The following KATNAL2 variants were observed in gnomAD, a reference collection of about 807,000 sequenced individuals.
KATNAL2 encodes the protein katanin p60 ATPase-containing subunit A-like 2.
In KATNAL2, 52 loss-of-function variants were observed where a neutral mutation model predicts 76.3. That is an observed-to-expected ratio of 0.68 (90% CI 0.55 to 0.86). The LOEUF is 0.86. Ranked by LOEUF, KATNAL2 falls within the 40% of genes least tolerant of loss-of-function variation. The pLI is 0.00. For synonymous variants in KATNAL2, 243 were observed against 244.2 expected (o/e 1.00, Z 0.05); for missense variants, 660 against 668.9 (o/e 0.99, Z 0.15).
At chr18:46,946,778 G>A (rs117601679) in intron 2 of KATNAL2, 76 bp from the exon 3 acceptor site, 1 of 1,340,312 alleles carries the variant, frequency 7.5e-7, no homozygotes, top group South Asian at 1.3e-5. Flanking sequence ...TCCGGAAAGG[G>A]GCGGGCTGGT....
At chr18:46,969,201 CTG>C (rs1713751046) in intron 3 of KATNAL2, 1 of 1,176,958 alleles carries the variant, frequency 8.5e-7, no homozygotes, top group Non-Finnish European at 1.2e-6. Context: ...TTGTCTTTCT[CTG>C]TGCGGTACGG....
chr18:47,034,102 G>A, intron 3 of KATNAL2: 1 of 1,614,220 alleles, frequency 6.2e-7, no homozygotes, highest in Non-Finnish European at 8.5e-7. Context: ...CTGATCGTAG[G>A]TGAGGTATTT....
intron 3 of KATNAL2, among the ~76,000 whole-genome samples, chr18:46,949,775 A>G (rs1014793601): frequency 6.6e-6 from 1 of 152,098 alleles, no homozygotes; most frequent in Non-Finnish European, 1.5e-5. Context: ...TTAATAATCC[A>G]TATATTCACA....
intron 1 of KATNAL2, among the ~76,000 whole-genome samples, chr18:46,933,917 G>A (rs1156517518): frequency 5.4e-5 from 8 of 148,960 alleles, no homozygotes; most frequent in Non-Finnish European, 8.9e-5. Context: ...TTGTCCTTGC[G>A]ATAGTTTGCT....
chr18:47,102,010 T>C lies in KATNAL2; in HGVS notation c.*1005T>C, dbSNP rs1212602129. 6.6e-6 allele frequency: 1 copy of C among 152,198 alleles called. No individual in the cohort carries two copies. Among genetic ancestry groups the C allele is most frequent in the Non-Finnish European group, 1.5e-5 (1 of 68,046 alleles). The allele number at this position is 152,198 out of a possible 1,614,324, so 9.4% of individuals were successfully genotyped here. ...CTTCTTTTCTCTTCCTTGCCTTGTC[T>C]TCATCATCCCTGCAGACAGACTCTT... is the stretch of plus-strand genomic sequence containing the variant. On this transcript the variant is annotated 3_prime_UTR_variant, in exon 18 of 18. Coordinates refer to ENST00000683218, the MANE Select transcript of KATNAL2 (RefSeq NM_001387690.1).
chr18:47,039,616 A>G (rs1034841388), intron 3 of KATNAL2, among the ~76,000 whole-genome samples: 1 of 152,226 alleles, frequency 6.6e-6, no homozygotes, highest in African/African-American at 2.4e-5. Context: ...TCTTTAAGAA[A>G]TTCAGCCAAA....
chr18:47,034,478 G>C (rs763778283), intron 3 of KATNAL2: 1 of 1,614,144 alleles, frequency 6.2e-7, no homozygotes, highest in Non-Finnish European at 8.5e-7. Context: ...GGCATCCTTG[G>C]GGTTTCCTCT....
chr18:47,081,018 C>T (rs1268276894), intron 15 of KATNAL2, among the ~76,000 whole-genome samples: 1 of 150,460 alleles, frequency 6.6e-6, no homozygotes, highest in Non-Finnish European at 1.5e-5. Context: ...CTCCTTCCCT[C>T]CTCCCTTTCC....
chr18:46,945,186 C>A (rs1569000220), intron 1 of KATNAL2, among the ~76,000 whole-genome samples: 1 of 152,198 alleles, frequency 6.6e-6, no homozygotes, highest in Non-Finnish European at 1.5e-5. Context: ...AAATCATTGA[C>A]AGGTGTTCAT....
chr18:46,942,022 T>C (rs115031604), intron 1 of KATNAL2, among the ~76,000 whole-genome samples: 1,934 of 152,108 alleles, frequency 0.013, 40 homozygotes, highest in African/African-American at 0.045. Context: ...AAAGGGTGAG[T>C]GCTTTGGCGG....
rs779712075 is a variant in KATNAL2, at chr18:47,059,655, G to A, written c.549+1G>A. 6.3e-7 allele frequency: 1 copy of A among 1,597,106 alleles called. No homozygotes were observed. The highest frequency in any genetic ancestry group is 2.2e-5 in the East Asian group (1 of 44,754). On this transcript the variant is annotated splice_donor_variant, in intron 8 of 17. Transcript: ENST00000683218. LOFTEE classifies it high-confidence loss of function. Reference sequence around the variant, plus strand: ...AGAGGAAAATGCCCACCCACGAAGAGTAAGTGAAACTCATGAACCTAACAC... The same window carrying A: ...AGAGGAAAATGCCCACCCACGAAGAATAAGTGAAACTCATGAACCTAACAC...
chr18:47,096,006 T>C lies in KATNAL2; in HGVS notation c.1212-3237T>C, dbSNP rs183331114. Among the ~76,000 whole-genome samples the C allele has an allele frequency of 2.1e-3, 324 of 152,278 alleles. 1 individual carries two copies. The highest frequency in any genetic ancestry group is 7.6e-3 in the African/African-American group (315 of 41,542). On this transcript the variant is annotated intron_variant, in intron 15 of 17. Coordinates refer to ENST00000683218, the MANE Select transcript of KATNAL2 (RefSeq NM_001387690.1). ...CTGAGTCTCTGATGTGCGATGAATGTCAACAGGGTGAGACTGATAAAAGAA... is the reference window on the plus strand; with the variant it reads ...CTGAGTCTCTGATGTGCGATGAATGCCAACAGGGTGAGACTGATAAAAGAA...
intron 3 of KATNAL2, among the ~76,000 whole-genome samples, chr18:47,040,321 GTT>G (rs1030161010): frequency 1.3e-5 from 2 of 152,206 alleles, no homozygotes; most frequent in African/African-American, 4.8e-5. Flanking sequence ...TGGCCCACAG[GTT>G]TTGGTAAATT....
chr18:46,960,466 A>C (rs1260381632), intron 3 of KATNAL2, among the ~76,000 whole-genome samples: 1 of 151,966 alleles, frequency 6.6e-6, no homozygotes, highest in African/African-American at 2.4e-5. Flanking sequence ...GCTAAGATGA[A>C]GCGATAGAGA....
intron 1 of KATNAL2, among the ~76,000 whole-genome samples, chr18:46,924,975 A>T (rs1216697153): frequency 6.6e-6 from 1 of 152,068 alleles, no homozygotes; most frequent in Non-Finnish European, 1.5e-5. Flanking sequence ...GCTTGAGGAG[A>T]TTTTGGGCTG....
At position 47,067,013 on chromosome 18, in the gene KATNAL2, C is replaced by A. The variant is rs372427321; in HGVS notation, c.727-8C>A. ...AGTTTTAAAAAAATGATCAAATGTG[C>A]ATTGCAGGACATTTATCTCCATAAT... On this transcript the variant is annotated splice_region_variant and splice_polypyrimidine_tract_variant and intron_variant, in intron 10 of 17. Coordinates refer to ENST00000683218, the MANE Select transcript of KATNAL2 (RefSeq NM_001387690.1). 17 of 1,529,082 alleles carry A rather than the reference C, an allele frequency of 1.1e-5. No homozygotes were observed. Among genetic ancestry groups the A allele is most frequent in the African/African-American group, 2.7e-5 (2 of 73,174 alleles). 94.7% of individuals were successfully genotyped at this position (1,529,082 alleles called of 1,614,324 possible).
At chr18:46,955,170 CTTTCTTTCTTTCTTTCCT>C (rs2059701731) in intron 3 of KATNAL2, among the ~76,000 whole-genome samples, 2 of 133,774 alleles carry the variant, frequency 1.5e-5, no homozygotes, top group Admixed American at 8.1e-5. Context: ...TTCTTTCTTT[CTTTCTTTCTTTCTTTCCT>C]CTCTCTTTTT....
chr18:47,034,199 A>G, intron 3 of KATNAL2: 1 of 1,613,882 alleles, frequency 6.2e-7, no homozygotes. Flanking sequence ...GTTCTGTCCA[A>G]ATGAGCAGTC....
rs555334516 is a variant in KATNAL2, at chr18:47,061,191, A to C, written c.549+1537A>C. On this transcript the variant is annotated intron_variant, in intron 8 of 17. Transcript: ENST00000683218. ...TAGTACCTGTGTTTGTCTGTTTTGC[A>C]TTGCTATAAAGGAATACCTGAGGCT... Among the ~76,000 whole-genome samples the C allele has an allele frequency of 3.3e-4, 51 of 152,328 alleles. No homozygotes were observed. In the South Asian group the frequency reaches 0.01, roughly 31 times the overall value.
Sources: allele counts gnomAD v4.1 joint callset (sites outside exome capture counted in the v4.1 genomes callset), GRCh38; gene constraint gnomAD v4.1.1; transcripts MANE v1.5; gene names NCBI Gene and HGNC (gene_info 2026-07-23, HGNC 2026-07-21).